The following CCDC141 variants were observed in gnomAD, a reference collection of about 807,000 sequenced individuals.
CCDC141 encodes coiled-coil domain containing 141, also known as coiled-coil domain-containing protein 141.
Under a neutral mutation model 181.0 loss-of-function variants are expected in CCDC141, and 168 were observed. That is an observed-to-expected ratio of 0.93 (90% CI 0.82 to 1.05). The LOEUF is 1.05. Ranked by LOEUF, CCDC141 falls within the 50% of genes least tolerant of loss-of-function variation. The pLI, the probability that CCDC141 is intolerant of heterozygous loss-of-function variation, is 0.00. For synonymous variants in CCDC141, 666 were observed against 642.3 expected (o/e 1.04, Z -0.56); for missense variants, 1,902 against 1,788.5 (o/e 1.06, Z -1.14).
At chr2:178,904,615 GC>G (rs2154372873) in intron 8 of CCDC141, among the ~76,000 whole-genome samples, 1 of 152,192 alleles carries the variant, frequency 6.6e-6, no homozygotes, top group South Asian at 2.1e-4. Flanking sequence ...AAAAATGTAA[GC>G]CCTGCTTTCA....
intron 2 of CCDC141, among the ~76,000 whole-genome samples, chr2:179,042,875 C>G (rs1401282119): frequency 1.3e-5 from 2 of 152,012 alleles, no homozygotes; most frequent in Non-Finnish European, 2.9e-5. Context: ...CAGAGCTGAA[C>G]TGAAAGAGAT....
chr2:178,972,725 G>A (rs1690950115), intron 4 of CCDC141, among the ~76,000 whole-genome samples: 2 of 152,334 alleles, frequency 1.3e-5, no homozygotes, highest in African/African-American at 4.8e-5. Flanking sequence ...AAGGAGAGAA[G>A]TCAGGAGAAG....
chr2:178,883,100 A>G (rs1328971155), intron 11 of CCDC141, among the ~76,000 whole-genome samples: 1 of 152,234 alleles, frequency 6.6e-6, no homozygotes, highest in Non-Finnish European at 1.5e-5. Flanking sequence ...GCCAGAGTGG[A>G]TCAAAGTTGA....
intron 21 of CCDC141, 56 bp downstream of exon 21, chr2:178,849,993 T>G: frequency 1.1e-6 from 1 of 952,052 alleles, no homozygotes; most frequent in South Asian, 1.4e-5. Flanking sequence ...GACATTTGAT[T>G]AACACATTTT....
intron 2 of CCDC141, among the ~76,000 whole-genome samples, chr2:179,007,340 C>A (rs1452252731): frequency 6.6e-6 from 1 of 152,234 alleles, no homozygotes; most frequent in Middle Eastern, 3.4e-3. Context: ...ACACAGAGAC[C>A]TAATCCACAT....
At chr2:178,943,185 G>T (rs1218408249) in intron 6 of CCDC141, among the ~76,000 whole-genome samples, 3 of 152,084 alleles carry the variant, frequency 2.0e-5, no homozygotes, top group Non-Finnish European at 4.4e-5. Flanking sequence ...AATTTTCACT[G>T]ATAAAACTTG....
the CCDC141 span, among the ~76,000 whole-genome samples, chr2:178,818,374 C>A: frequency 6.6e-6 from 1 of 151,942 alleles, no homozygotes; most frequent in Non-Finnish European, 1.5e-5. Context: ...ACCTATTAAC[C>A]CATCACCTAA....
In CCDC141 at chr2:179,015,099, T is replaced by TC. The variant is rs1186913665; in HGVS notation, c.225+32184_225+32185insG. Among the ~76,000 whole-genome samples the TC allele has an allele frequency of 7.1e-4, 36 of 50,538 alleles. 1 individual carries two copies. The highest frequency in any genetic ancestry group is 2.1e-3 in the African/African-American group (36 of 17,206). The allele number at this position is 50,538 out of a possible 152,430, so 33.2% of individuals were successfully genotyped here. A position where few individuals can be genotyped will look rare whatever the true frequency, so the allele number is the denominator to read the frequency against. On this transcript the variant is annotated intron_variant, in intron 2 of 23. Coordinates refer to ENST00000443758, the MANE Select transcript of CCDC141 (RefSeq NM_173648.4). ...ATATATATATATATATATATATATA[T>TC]ATATAATATATATATAATCATATAT...
chr2:178,837,719 A>T lies in CCDC141; in HGVS notation c.3500T>A (p.Leu1167Ter), dbSNP rs139096421. The part of the protein sequence containing the change: ...NKGQVQVADL[L>*]GINGTGEERL... ...CTCTTCCCCTGTTCCATTGATGCCC[A>T]AAAGATCTGCCACCTGCACCTGCCC... The change falls in exon 23 of 24, where the codon TTG becomes TAG. Residue 1167 changes from leucine to a stop codon, truncating the protein, a stop_gained. Transcript: ENST00000443758. LOFTEE classifies it high-confidence loss of function. 9.9e-5 allele frequency: 159 copies of T among 1,612,178 alleles called. No individual in the cohort carries two copies. In the African/African-American group the frequency reaches 2.1e-3, roughly 21 times the overall value.
intron 7 of CCDC141, among the ~76,000 whole-genome samples, chr2:178,909,006 C>T (rs1223498948): frequency 3.9e-5 from 6 of 152,180 alleles, no homozygotes; most frequent in Non-Finnish European, 5.9e-5. Flanking sequence ...TGTCATTCAT[C>T]CCACATGGGC....
At chr2:178,884,570 C>T (rs1317764584) in intron 11 of CCDC141, among the ~76,000 whole-genome samples, 1 of 152,178 alleles carries the variant, frequency 6.6e-6, no homozygotes, top group East Asian at 1.9e-4. Context: ...ACTGCCTATC[C>T]TCCCTCCTTT....
In CCDC141 at chr2:178,833,930, CT is replaced by C. The variant is rs1684363664; in HGVS notation, c.*242del. 1 of 455,916 alleles carries C rather than the reference CT, an allele frequency of 2.2e-6. No individual in the cohort carries two copies. The highest frequency in any genetic ancestry group is 1.9e-5 in the African/African-American group (1 of 51,712). 28.2% of individuals were successfully genotyped at this position (455,916 alleles called of 1,614,324 possible). On this transcript the variant is annotated 3_prime_UTR_variant, in exon 24 of 24. Coordinates refer to ENST00000443758, the MANE Select transcript of CCDC141 (RefSeq NM_173648.4). ...TTGCTGCATATTATGTTGAAAACAT[CT>C]GTTTCTAGAGTACAAAAATCTGTTC...
chr2:178,958,922 G>T (rs980220548), intron 5 of CCDC141, among the ~76,000 whole-genome samples: 4 of 151,136 alleles, frequency 2.6e-5, no homozygotes, highest in African/African-American at 4.9e-5. Flanking sequence ...TGTTAATCTG[G>T]ATAAGAGATG....
At chr2:179,039,208 A>G (rs2043227664) in intron 2 of CCDC141, among the ~76,000 whole-genome samples, 1 of 151,546 alleles carries the variant, frequency 6.6e-6, no homozygotes, top group African/African-American at 2.4e-5. Flanking sequence ...ACTAAGATTA[A>G]GTACATTGCA....
At chr2:178,873,903 C>T (rs1020075832) in intron 12 of CCDC141, 2 of 152,166 alleles carry the variant, frequency 1.3e-5, no homozygotes, top group African/African-American at 2.4e-5. Flanking sequence ...TCCCAGATAG[C>T]ATTCTTGGTA....
At chr2:179,046,565 T>C (rs111260113) in intron 2 of CCDC141, among the ~76,000 whole-genome samples, 3 of 152,346 alleles carry the variant, frequency 2.0e-5, no homozygotes, top group African/African-American at 7.2e-5. Context: ...CATGTACCTG[T>C]GAGGTCTGCA....
At chr2:178,901,877 T>G (rs1190332561) in intron 8 of CCDC141, among the ~76,000 whole-genome samples, 1 of 152,056 alleles carries the variant, frequency 6.6e-6, no homozygotes, top group Non-Finnish European at 1.5e-5. Context: ...CAGCCCAAAA[T>G]CTCCTTAAGC....
chr2:178,954,381 A>G (rs1377341947), intron 5 of CCDC141, among the ~76,000 whole-genome samples: 1 of 152,202 alleles, frequency 6.6e-6, no homozygotes, highest in African/African-American at 2.4e-5. Context: ...GTGCATTTTT[A>G]TATCTGAAAA....
chr2:179,001,631 G>C (rs2041983016), intron 2 of CCDC141: 1 of 152,218 alleles, frequency 6.6e-6, no homozygotes, highest in African/African-American at 2.4e-5. Flanking sequence ...AGAACCTTGG[G>C]GGGCACAGGC....
Sources: gnomAD v4.1 joint callset for allele counts (sites outside exome capture counted in the v4.1 genomes callset) on GRCh38, gnomAD v4.1.1 for gene constraint, MANE v1.5 for transcripts, NCBI Gene and HGNC (gene_info 2026-07-23, HGNC 2026-07-21) for gene names.